MGAT5: variants seen among roughly 807,000 people sequenced by gnomAD.
MGAT5 encodes the protein alpha-1,6-mannosylglycoprotein 6-beta-N-acetylglucosaminyltransferase.
MGAT5 carries 30 observed loss-of-function variants against 94.3 expected under a neutral mutation model. The observed-to-expected ratio is 0.32, with a 90% CI of 0.24 to 0.43. The LOEUF (loss-of-function observed/expected upper bound fraction) is 0.43. Among genes scored for constraint, MGAT5 ranks in the 20% least tolerant of loss-of-function variants. MGAT5 has a pLI of 1.00. For missense variants in MGAT5, 691 were observed against 905.5 expected (o/e 0.76, Z 3.04); for synonymous variants, 310 against 322.9 (o/e 0.96, Z 0.43).
chr2:134,187,969 C>T (rs1255742809), intron 1 of MGAT5, among the ~76,000 whole-genome samples: 1 of 152,160 alleles, frequency 6.6e-6, no homozygotes, highest in Non-Finnish European at 1.5e-5. Context: ...GTGAAAGAGA[C>T]GGTGCTGAAA....
intron 1 of MGAT5, among the ~76,000 whole-genome samples, chr2:134,195,115 G>GT (rs1215435720): frequency 5.9e-5 from 9 of 152,238 alleles, no homozygotes; most frequent in Middle Eastern, 3.4e-3. Context: ...CATAGTGGAG[G>GT]TTGTTAACCT....
In MGAT5 at chr2:134,452,478, G is replaced by T. The variant is rs1391079349; in HGVS notation, c.*3631G>T. On this transcript the variant is annotated 3_prime_UTR_variant, in exon 16 of 16. Transcript: ENST00000281923. ...GCAAGATTTAATAAAAGTGAATAAT[G>T]AGCTTCCCCTTTGGGAGTGGAGCCC... The T allele has an allele frequency of 6.6e-6, 1 of 152,182 alleles. No homozygotes were observed. The highest frequency in any genetic ancestry group is 1.5e-5 in the Non-Finnish European group (1 of 68,028). 9.4% of individuals were successfully genotyped at this position (152,182 alleles called of 1,614,324 possible).
At chr2:134,296,356 A>G (rs996895271) in intron 2 of MGAT5, among the ~76,000 whole-genome samples, 6 of 152,328 alleles carry the variant, frequency 3.9e-5, no homozygotes, top group South Asian at 4.1e-4. Context: ...TTGGTTTGGT[A>G]TCGAGGGAGT....
intron 12 of MGAT5, 67 bp downstream of exon 12, chr2:134,413,082 GT>G: frequency 1.3e-6 from 2 of 1,559,446 alleles, no homozygotes. Flanking sequence ...GAGTGCTCAT[GT>G]AGGTATTAAC....
intron 2 of MGAT5, among the ~76,000 whole-genome samples, chr2:134,308,322 G>A (rs1686452320): frequency 1.3e-5 from 2 of 152,092 alleles, no homozygotes; most frequent in Admixed American, 1.3e-4. Flanking sequence ...AAAAATTCAG[G>A]GTTGAAATGA....
chr2:134,325,970 T>C (rs1687616123), intron 4 of MGAT5, among the ~76,000 whole-genome samples: 1 of 151,938 alleles, frequency 6.6e-6, no homozygotes, highest in African/African-American at 2.4e-5. Context: ...ATATTGTTTG[T>C]GCAAGTTATT....
intron 8 of MGAT5, 110 bp downstream of exon 8, chr2:134,345,174 G>A (rs1218679081): frequency 2.7e-6 from 3 of 1,105,560 alleles, no homozygotes; most frequent in Non-Finnish European, 3.8e-6. Context: ...CAGCTGTATG[G>A]AGTGTTGCTC....
intron 1 of MGAT5, among the ~76,000 whole-genome samples, chr2:134,261,226 A>G (rs3828175): frequency 0.14 from 21,575 of 152,092 alleles, 2,542 homozygotes; most frequent in East Asian, 0.36. Flanking sequence ...CTCAATCTCA[A>G]TGTGATTGTC....
At chr2:134,169,766 T>C (rs1036847914) in intron 1 of MGAT5, among the ~76,000 whole-genome samples, 1 of 152,118 alleles carries the variant, frequency 6.6e-6, no homozygotes, top group African/African-American at 2.4e-5. Flanking sequence ...AAAAAAAGGT[T>C]TTGCTGATGG....
chr2:134,216,167 G>A (rs1312625389), intron 1 of MGAT5, among the ~76,000 whole-genome samples: 1 of 152,128 alleles, frequency 6.6e-6, no homozygotes, highest in Middle Eastern at 3.2e-3. Context: ...TTGGTTTGTT[G>A]CAGTGAGATC....
At chr2:134,379,271 T>A (rs1031478498) in intron 10 of MGAT5, among the ~76,000 whole-genome samples, 1 of 152,272 alleles carries the variant, frequency 6.6e-6, no homozygotes, top group African/African-American at 2.4e-5. Context: ...TATTTTATCA[T>A]CTTGTGATGA....
At chr2:134,253,091 A>C (rs892053712), upstream of MGAT5, 6 of 151,968 alleles carry the variant, frequency 3.9e-5, no homozygotes, top group African/African-American at 1.4e-4. Flanking sequence ...TACTCTGTTG[A>C]TAGGCAATGG....
At chr2:134,213,921 G>T (rs1393173450) in intron 1 of MGAT5, among the ~76,000 whole-genome samples, 5 of 152,204 alleles carry the variant, frequency 3.3e-5, no homozygotes, top group Non-Finnish European at 7.4e-5. Context: ...AGGGACGATC[G>T]ATTAAATCAA....
chr2:134,381,012 T>C (rs540812755), intron 10 of MGAT5, among the ~76,000 whole-genome samples: 39 of 151,704 alleles, frequency 2.6e-4, no homozygotes, highest in Admixed American at 3.9e-4. Flanking sequence ...TGCCCCCCTT[T>C]CTTGCTCTTT....
chr2:134,143,637 G>A (rs188338140), intron 1 of MGAT5, among the ~76,000 whole-genome samples: 3 of 152,360 alleles, frequency 2.0e-5, no homozygotes, highest in Admixed American at 2.0e-4. Flanking sequence ...GGGGTGGAAG[G>A]GTGGTGCTGG....
At chr2:134,376,994 C>T (rs1196032558) in intron 10 of MGAT5, among the ~76,000 whole-genome samples, 1 of 152,216 alleles carries the variant, frequency 6.6e-6, no homozygotes, top group Non-Finnish European at 1.5e-5. Flanking sequence ...AAAACGGTCT[C>T]ACAGCACTTG....
chr2:134,283,617 T>A (rs1289616020), intron 2 of MGAT5, among the ~76,000 whole-genome samples: 2 of 150,876 alleles, frequency 1.3e-5, no homozygotes, highest in Non-Finnish European at 3.0e-5. Context: ...CTATTCACAT[T>A]TAAAGCCATT....
intron 14 of MGAT5, among the ~76,000 whole-genome samples, chr2:134,436,642 A>G (rs1685176440): frequency 6.6e-6 from 1 of 152,154 alleles, no homozygotes; most frequent in African/African-American, 2.4e-5. Flanking sequence ...CAAGGTGTCC[A>G]TTCATCTAGG....
chr2:134,134,077 G>T (rs112128768), intron 1 of MGAT5, among the ~76,000 whole-genome samples: 95 of 152,296 alleles, frequency 6.2e-4, no homozygotes, highest in African/African-American at 2.2e-3. Flanking sequence ...CTAGTGCTAT[G>T]TGACTTTTAG....
Sources: allele counts gnomAD v4.1 joint callset (sites outside exome capture counted in the v4.1 genomes callset), GRCh38; gene constraint gnomAD v4.1.1; transcripts MANE v1.5; gene names NCBI Gene and HGNC (gene_info 2026-07-23, HGNC 2026-07-21).